Variants in DOCK8 observed in about 807,000 individuals in gnomAD.
DOCK8 encodes dedicator of cytokinesis protein 8.
A neutral mutation model predicts 245.6 loss-of-function variants in DOCK8; 141 were observed. The observed-to-expected ratio is 0.57, with a 90% CI of 0.50 to 0.66. DOCK8 has a LOEUF of 0.66. Ranked by LOEUF, DOCK8 falls within the 30% of genes least tolerant of loss-of-function variation. The probability of loss-of-function intolerance (pLI) is 0.00; values close to 1 mark genes in which losing one functional copy is unlikely to be tolerated. For synonymous variants in DOCK8, 1,168 were observed against 970.2 expected, an observed-to-expected ratio of 1.20 and a Z score of -3.79; for missense variants, 2,965 against 2,603.4, an observed-to-expected ratio of 1.14 and a Z score of -3.02.
intron 5 of DOCK8, among the ~76,000 whole-genome samples, chr9:309,097 A>G (rs1458570107): frequency 6.6e-6 from 1 of 152,188 alleles, no homozygotes; most frequent in Non-Finnish European, 1.5e-5. Context: ...CCTTGCCCTC[A>G]CATTCTTGCA....
chr9:313,104 T>C (rs2050196970), intron 6 of DOCK8, among the ~76,000 whole-genome samples: 1 of 152,134 alleles, frequency 6.6e-6, no homozygotes, highest in Non-Finnish European at 1.5e-5. Context: ...TCACGACTGG[T>C]CAGCAAGGAG....
chr9:341,071 G>A (rs1306530145), intron 14 of DOCK8, among the ~76,000 whole-genome samples: 1 of 152,204 alleles, frequency 6.6e-6, no homozygotes, highest in East Asian at 1.9e-4. Flanking sequence ...AGCATTTACA[G>A]CAATAACAGA....
intron 6 of DOCK8, among the ~76,000 whole-genome samples, chr9:315,824 G>A (rs754391792): frequency 1.1e-4 from 17 of 152,154 alleles, no homozygotes; most frequent in Non-Finnish European, 2.1e-4. Context: ...TCAAAAATTA[G>A]AATCTAGACC....
intron 14 of DOCK8, among the ~76,000 whole-genome samples, chr9:350,155 A>C (rs2052089768): frequency 6.6e-6 from 1 of 152,130 alleles, no homozygotes; most frequent in South Asian, 2.1e-4. Flanking sequence ...CTCTGTCTCC[A>C]AGATTGGAGT....
At chr9:253,451 C>G (rs1298107307) in intron 1 of DOCK8, among the ~76,000 whole-genome samples, 2 of 152,210 alleles carry the variant, frequency 1.3e-5, no homozygotes, top group Non-Finnish European at 2.9e-5. Context: ...TAAGCATAAA[C>G]TCAGTTCTCA....
intron 18 of DOCK8, among the ~76,000 whole-genome samples, chr9:374,864 G>T (rs1464240972): frequency 6.6e-6 from 1 of 151,906 alleles, no homozygotes; most frequent in Non-Finnish European, 1.5e-5. Context: ...ATCACAGATG[G>T]CAAACTCAAG....
intron 46 of DOCK8, among the ~76,000 whole-genome samples, chr9:463,283 A>G (rs2057862531): frequency 6.6e-6 from 1 of 152,070 alleles, no homozygotes; most frequent in Non-Finnish European, 1.5e-5. Flanking sequence ...AGGTAAAAAA[A>G]AAAAACAAAC....
At chr9:413,530 A>AAT (rs2055852106) in intron 28 of DOCK8, among the ~76,000 whole-genome samples, 1 of 152,212 alleles carries the variant, frequency 6.6e-6, no homozygotes, top group Non-Finnish European at 1.5e-5. Context: ...TTGTATCTGG[A>AAT]ATATATATTT....
intron 9 of DOCK8, among the ~76,000 whole-genome samples, chr9:330,931 C>A (rs1358194168): frequency 6.6e-6 from 1 of 152,174 alleles, no homozygotes; most frequent in Non-Finnish European, 1.5e-5. Context: ...CTGGTCTGGT[C>A]AAATCTGACT....
In DOCK8 at chr9:426,980, A is replaced by G; in HGVS notation, c.4337A>G (p.Gln1446Arg). Residue 1446 changes from glutamine (Q) to arginine (R), a missense_variant and splice_region_variant, in exon 34 of 48, where the codon CAG becomes CGG. Coordinates refer to ENST00000432829, the MANE Select transcript of DOCK8 (RefSeq NM_203447.4). ...CTGGATATGCAGGAAAACATTATCC[A>G]GGTGAGGAAAACAAACACCCAATCT... ...IILDMQENIIQASSALDCKDS... is the reference protein window; with the variant it reads ...IILDMQENIIRASSALDCKDS... 1.9e-6 allele frequency: 3 copies of G among 1,613,590 alleles called. No homozygotes were observed. Among genetic ancestry groups the G allele is most frequent in the Non-Finnish European group, 2.5e-6 (3 of 1,179,624 alleles).
chr9:230,077 C>T (rs1563824409), intron 1 of DOCK8, among the ~76,000 whole-genome samples: 1 of 137,882 alleles, frequency 7.3e-6, no homozygotes, highest in Non-Finnish European at 1.5e-5. Context: ...ACAACAGTCC[C>T]CGGTGTGTGA....
chr9:400,773 C>G (rs202090128), intron 26 of DOCK8, among the ~76,000 whole-genome samples: 1 of 45,886 alleles, frequency 2.2e-5, no homozygotes, highest in Non-Finnish European at 3.7e-5. Context: ...ACCTCCACCA[C>G]CACCACCACC....
intron 24 of DOCK8, among the ~76,000 whole-genome samples, chr9:394,610 A>G (rs1004618112): frequency 1.3e-5 from 2 of 152,230 alleles, no homozygotes; most frequent in Non-Finnish European, 1.5e-5. Context: ...AATGAATAAA[A>G]TCCCTGTGCT....
intron 1 of DOCK8, among the ~76,000 whole-genome samples, chr9:225,103 C>T (rs571350019): frequency 1.3e-5 from 2 of 152,316 alleles, no homozygotes; most frequent in Admixed American, 1.3e-4. Flanking sequence ...CCTATGACTT[C>T]CTCTAGGTAT....
chr9:425,653 G>A (rs888321803), intron 33 of DOCK8, among the ~76,000 whole-genome samples: 12 of 151,448 alleles, frequency 7.9e-5, no homozygotes, highest in African/African-American at 2.9e-4. Context: ...AGATACTCAG[G>A]AGGCTAAGGC....
intron 11 of DOCK8, among the ~76,000 whole-genome samples, 182 bp downstream of exon 11, chr9:334,566 G>T (rs1251625540): frequency 6.6e-6 from 1 of 152,190 alleles, no homozygotes; most frequent in African/African-American, 2.4e-5. Flanking sequence ...ATCTCCAAAA[G>T]AAATTATCAC....
chr9:333,715 A>G (rs2130873865), intron 10 of DOCK8, among the ~76,000 whole-genome samples: 1 of 148,558 alleles, frequency 6.7e-6, no homozygotes, highest in South Asian at 2.1e-4. Context: ...TTTTTTTAAA[A>G]TCTGTCTTTT....
intron 14 of DOCK8, among the ~76,000 whole-genome samples, chr9:357,721 G>T (rs1017832538): frequency 3.3e-5 from 5 of 152,284 alleles, no homozygotes; most frequent in Admixed American, 2.6e-4. Flanking sequence ...TTACTAAGGG[G>T]CAAGCTGCTG....
At chr9:257,932 G>C (rs1282554704) in intron 1 of DOCK8, among the ~76,000 whole-genome samples, 2 of 152,204 alleles carry the variant, frequency 1.3e-5, no homozygotes, top group African/African-American at 2.4e-5. Flanking sequence ...TGTTGATGTT[G>C]CTGGTCCCAG....
Sources: allele counts gnomAD v4.1 joint callset (sites outside exome capture counted in the v4.1 genomes callset), GRCh38; gene constraint gnomAD v4.1.1; transcripts MANE v1.5; gene names NCBI Gene and HGNC (gene_info 2026-07-23, HGNC 2026-07-21).